The following NOVA1 variants were observed in gnomAD, a reference collection of about 807,000 sequenced individuals.
NOVA1 encodes NOVA alternative splicing regulator 1, also known as RNA-binding protein Nova-1.
Under a neutral mutation model 38.0 loss-of-function variants are expected in NOVA1, and 7 were observed. The observed-to-expected ratio is 0.18, with a 90% CI of 0.10 to 0.35. NOVA1 has a LOEUF of 0.35. Among genes scored for constraint, NOVA1 ranks in the 10% least tolerant of loss-of-function variants. NOVA1 has a pLI of 1.00. For missense variants in NOVA1, 460 were observed against 616.0 expected (o/e 0.75, Z 2.68); for synonymous variants, 270 against 232.5 (o/e 1.16, Z -1.47).
chr14:26,565,299 G>A (rs1892067466), intron 2 of NOVA1, among the ~76,000 whole-genome samples: 1 of 152,068 alleles, frequency 6.6e-6, no homozygotes, highest in African/African-American at 2.4e-5. Flanking sequence ...GAGACCCTGT[G>A]GAATTATCCT....
chr14:26,486,303 G>C (rs184417576), intron 2 of NOVA1, among the ~76,000 whole-genome samples: 2 of 151,870 alleles, frequency 1.3e-5, no homozygotes, highest in Admixed American at 1.3e-4. Context: ...TTTGCTGTTT[G>C]CTAAAATATC....
intron 2 of NOVA1, among the ~76,000 whole-genome samples, chr14:26,544,904 C>A (rs780354855): frequency 6.6e-6 from 1 of 151,946 alleles, no homozygotes; most frequent in African/African-American, 2.4e-5. Context: ...CTAATAAACC[C>A]GTTAGAGTGA....
intron 2 of NOVA1, among the ~76,000 whole-genome samples, chr14:26,564,379 G>C (rs1445370131): frequency 2.0e-5 from 3 of 152,214 alleles, no homozygotes; most frequent in South Asian, 2.1e-4. Context: ...GGTGGGTACA[G>C]TTATTATCCC....
chr14:26,464,817 G>A, intron 4 of NOVA1, among the ~76,000 whole-genome samples: 1 of 152,068 alleles, frequency 6.6e-6, no homozygotes, highest in East Asian at 1.9e-4. Flanking sequence ...GAAAATTATA[G>A]TAAGTCTATC....
intron 3 of NOVA1, among the ~76,000 whole-genome samples, chr14:26,475,938 C>T (rs2138272180): frequency 6.6e-6 from 1 of 152,110 alleles, no homozygotes; most frequent in South Asian, 2.1e-4. Context: ...TGTCAAGAAC[C>T]TCTGGTATTT....
intron 1 of NOVA1, chr14:26,596,623 A>G (rs980309278): frequency 1.4e-5 from 18 of 1,289,174 alleles, no homozygotes; most frequent in Non-Finnish European, 1.8e-5. Context: ...AGTGCAAATG[A>G]AGAAGCGATA....
intron 4 of NOVA1, among the ~76,000 whole-genome samples, chr14:26,451,421 G>A (rs556621350): frequency 1.3e-4 from 19 of 151,966 alleles, no homozygotes; most frequent in Non-Finnish European, 8.8e-5. Context: ...AGGCTGGAGC[G>A]CAGTGGTGCA....
intron 2 of NOVA1, among the ~76,000 whole-genome samples, chr14:26,560,216 T>C (rs1891739357): frequency 6.6e-6 from 1 of 152,092 alleles, no homozygotes; most frequent in Non-Finnish European, 1.5e-5. Flanking sequence ...TAATAATACA[T>C]GTCTTTAAAT....
intron 2 of NOVA1, among the ~76,000 whole-genome samples, chr14:26,583,414 A>G (rs1893335490): frequency 6.6e-6 from 1 of 151,598 alleles, no homozygotes. Context: ...TTTATATTGA[A>G]TTCAACCTTG....
intron 2 of NOVA1, among the ~76,000 whole-genome samples, chr14:26,529,932 A>G (rs1181785459): frequency 6.6e-6 from 1 of 151,908 alleles, no homozygotes; most frequent in Non-Finnish European, 1.5e-5. Context: ...TGAATCTAAA[A>G]ATGGCTCATT....
At chr14:26,582,643 C>G (rs947103530) in intron 2 of NOVA1, among the ~76,000 whole-genome samples, 3 of 151,738 alleles carry the variant, frequency 2.0e-5, no homozygotes, top group Non-Finnish European at 4.4e-5. Context: ...TTACTATTTA[C>G]ATTTATAAAC....
At chr14:26,592,321 TTAC>T (rs1226682291) in intron 2 of NOVA1, among the ~76,000 whole-genome samples, 1 of 151,498 alleles carries the variant, frequency 6.6e-6, no homozygotes, top group Non-Finnish European at 1.5e-5. Flanking sequence ...AAGCTGTTTT[TTAC>T]TACAAGGTAA....
intron 2 of NOVA1, among the ~76,000 whole-genome samples, chr14:26,489,804 C>A (rs943682447): frequency 6.6e-6 from 1 of 152,106 alleles, no homozygotes; most frequent in Non-Finnish European, 1.5e-5. Context: ...CCACTGCACT[C>A]CAGCCTGGGC....
intron 2 of NOVA1, among the ~76,000 whole-genome samples, chr14:26,580,147 A>C (rs552586472): frequency 7.1e-4 from 108 of 152,212 alleles, no homozygotes; most frequent in African/African-American, 2.5e-3. Flanking sequence ...ATTTAGCTTC[A>C]TCATTTAATG....
intron 2 of NOVA1, among the ~76,000 whole-genome samples, chr14:26,537,166 A>G (rs1890157418): frequency 6.6e-6 from 1 of 152,124 alleles, no homozygotes; most frequent in Non-Finnish European, 1.5e-5. Context: ...TGATAAATAT[A>G]TCAAATGCCT....
chr14:26,477,433 C>A (rs1490877552), intron 3 of NOVA1, among the ~76,000 whole-genome samples: 2 of 151,822 alleles, frequency 1.3e-5, no homozygotes, highest in African/African-American at 4.8e-5. Flanking sequence ...ATATATAAGG[C>A]CATTGTGCTA....
chr14:26,535,385 T>C (rs964346228), intron 2 of NOVA1, among the ~76,000 whole-genome samples: 1 of 152,090 alleles, frequency 6.6e-6, no homozygotes, highest in Non-Finnish European at 1.5e-5. Context: ...AATTTTAAGT[T>C]TGTAGAGAAA....
intron 4 of NOVA1, 54 bp from the exon 5 acceptor site, chr14:26,449,017 T>C: frequency 6.9e-7 from 1 of 1,452,526 alleles, no homozygotes; most frequent in South Asian, 1.4e-5. Context: ...GCATATACAT[T>C]ATATTACTTT....
At position 26,507,288 on chromosome 14, in the gene NOVA1, AT is replaced by A. The variant is rs769473894; in HGVS notation, c.281-27146del. Among the ~76,000 whole-genome samples, 494 of 152,228 alleles carry A rather than the reference AT, an allele frequency of 3.2e-3. 1 individual carries two copies. Among genetic ancestry groups the A allele is most frequent in the Non-Finnish European group, 5.5e-3 (372 of 67,982 alleles). The stretch of plus-strand genomic sequence containing the variant: ...CAACTCATTGTAAAAAAAAAAAATA[AT>A]GTCAAAACTAGGTTTTAAATGGCAT... On this transcript the variant is annotated intron_variant, in intron 2 of 4. Transcript: ENST00000539517.
Sources: gnomAD v4.1 joint callset for allele counts (sites outside exome capture counted in the v4.1 genomes callset) on GRCh38, gnomAD v4.1.1 for gene constraint, MANE v1.5 for transcripts, NCBI Gene and HGNC (gene_info 2026-07-23, HGNC 2026-07-21) for gene names.